PACRG: variants seen among roughly 807,000 people sequenced by gnomAD.
PACRG encodes parkin coregulated.
PACRG carries 29 observed loss-of-function variants against 29.7 expected under a neutral mutation model. The observed-to-expected ratio is 0.98, with a 90% confidence interval of 0.73 to 1.33. The LOEUF is 1.33. Among genes scored for constraint, PACRG ranks in the 40% most tolerant of loss-of-function variants. PACRG has a pLI of 0.00. For synonymous variants in PACRG, 116 were observed against 118.7 expected (o/e 0.98, Z 0.15); for missense variants, 279 against 316.2 (o/e 0.88, Z 0.89).
At chr6:163,257,928 A>T (rs768167546) in intron 4 of PACRG, among the ~76,000 whole-genome samples, 2 of 152,182 alleles carry the variant, frequency 1.3e-5, no homozygotes, top group Non-Finnish European at 2.9e-5. Context: ...TACTTTATTG[A>T]ATCATTTTAT....
chr6:162,815,516 G>A (rs1023038994), intron 2 of PACRG, among the ~76,000 whole-genome samples: 1 of 150,434 alleles, frequency 6.6e-6, no homozygotes, highest in Admixed American at 6.7e-5. Context: ...TATTACAAGA[G>A]GAACTTGGTA....
intron 1 of PACRG, among the ~76,000 whole-genome samples, chr6:162,766,096 A>T (rs1352630796): frequency 6.6e-6 from 1 of 152,182 alleles, no homozygotes; most frequent in African/African-American, 2.4e-5. Context: ...TTCTCTCTTT[A>T]GCTATTTAAA....
intron 2 of PACRG, among the ~76,000 whole-genome samples, chr6:162,816,057 G>A (rs193079002): frequency 6.6e-6 from 1 of 152,178 alleles, no homozygotes; most frequent in East Asian, 1.9e-4. Context: ...ATAAAAATAT[G>A]AGATGAATCA....
intron 2 of PACRG, among the ~76,000 whole-genome samples, chr6:162,988,747 G>A (rs938364861): frequency 1.3e-5 from 2 of 152,016 alleles, no homozygotes; most frequent in African/African-American, 2.4e-5. Context: ...TATAAACTAT[G>A]GTGCAATCTC....
At chr6:163,067,452 AAC>A (rs1395041482) in intron 3 of PACRG, among the ~76,000 whole-genome samples, 3 of 152,214 alleles carry the variant, frequency 2.0e-5, no homozygotes, top group Non-Finnish European at 2.9e-5. Context: ...TGATTAGAGA[AAC>A]ACAACTTTAA....
intron 4 of PACRG, chr6:163,166,301 C>T (rs1270725738): frequency 9.3e-6 from 4 of 430,872 alleles, no homozygotes; most frequent in African/African-American, 2.0e-5. Context: ...AGATTAGAAT[C>T]GGCCCTTTAT....
chr6:163,249,987 G>A (rs1782840004), intron 4 of PACRG, among the ~76,000 whole-genome samples: 5 of 152,184 alleles, frequency 3.3e-5, no homozygotes, highest in Admixed American at 3.3e-4. Flanking sequence ...CCACCGCAGG[G>A]AATGTCCATG....
intron 4 of PACRG, among the ~76,000 whole-genome samples, chr6:163,299,406 G>A (rs1784903542): frequency 6.6e-6 from 1 of 152,144 alleles, no homozygotes; most frequent in Non-Finnish European, 1.5e-5. Context: ...GGAACCATCA[G>A]CCTGACCTGC....
At chr6:163,260,320 C>T (rs917781358) in intron 4 of PACRG, among the ~76,000 whole-genome samples, 1 of 152,204 alleles carries the variant, frequency 6.6e-6, no homozygotes, top group Non-Finnish European at 1.5e-5. Context: ...TCAGCTCCCA[C>T]GTTGGTCCAA....
chr6:163,226,755 G>C (rs936457577), intron 4 of PACRG, among the ~76,000 whole-genome samples: 1 of 152,216 alleles, frequency 6.6e-6, no homozygotes, highest in African/African-American at 2.4e-5. Context: ...GGGAGAACCT[G>C]TTCTCTAGGA....
chr6:162,971,879 A>G (rs1353421512), intron 2 of PACRG, among the ~76,000 whole-genome samples: 1 of 152,050 alleles, frequency 6.6e-6, no homozygotes, highest in African/African-American at 2.4e-5. Context: ...TATAAAGAGG[A>G]CTCAGCGTCT....
chr6:163,107,950 A>G (rs560838505), intron 4 of PACRG, among the ~76,000 whole-genome samples: 130 of 152,292 alleles, frequency 8.5e-4, no homozygotes, highest in Middle Eastern at 3.4e-3. Context: ...TATAGCCTAG[A>G]TATATAGGAA....
chr6:162,728,141 T>G lies in PACRG; in HGVS notation c.-95T>G. On this transcript the variant is annotated 5_prime_UTR_variant, in exon 1 of 5. Coordinates refer to ENST00000366888, the MANE Select transcript of PACRG (RefSeq NM_001080379.2). ...GTTGAATTTCTACCATTATCGCGCC[T>G]TTTGATATTTTTTTCCAGACCTCCT... is the stretch of plus-strand genomic sequence containing the variant. The G allele has an allele frequency of 7.0e-7, 1 of 1,432,620 alleles. No homozygotes were observed. Among genetic ancestry groups the G allele is most frequent in the Non-Finnish European group, 9.5e-7 (1 of 1,054,918 alleles). 88.7% of individuals were successfully genotyped at this position (1,432,620 alleles called of 1,614,324 possible). A position where few individuals can be genotyped will look rare whatever the true frequency, so the allele number is the denominator to read the frequency against.
chr6:162,884,990 A>T (rs1794210411), intron 2 of PACRG, among the ~76,000 whole-genome samples: 1 of 151,794 alleles, frequency 6.6e-6, no homozygotes, highest in Non-Finnish European at 1.5e-5. Flanking sequence ...CTCAATATAC[A>T]TTTTTTCAGC....
chr6:162,798,480 A>G (rs1347184031), intron 1 of PACRG, among the ~76,000 whole-genome samples: 1 of 152,086 alleles, frequency 6.6e-6, no homozygotes, highest in East Asian at 1.9e-4. Context: ...GCCTTATGTT[A>G]GCTGCTTTTG....
chr6:162,875,073 TCACA>T (rs1374135749), intron 2 of PACRG, among the ~76,000 whole-genome samples: 1 of 151,948 alleles, frequency 6.6e-6, no homozygotes, highest in Non-Finnish European at 1.5e-5. Context: ...ATTCACACCC[TCACA>T]CATTCATTCA....
At chr6:162,923,508 A>C (rs1306399298) in intron 2 of PACRG, among the ~76,000 whole-genome samples, 1 of 152,148 alleles carries the variant, frequency 6.6e-6, no homozygotes, top group Non-Finnish European at 1.5e-5. Flanking sequence ...TTAAGTCTTT[A>C]ATCCACTTTG....
intron 2 of PACRG, among the ~76,000 whole-genome samples, chr6:163,027,463 C>T (rs1414184278): frequency 6.6e-6 from 1 of 152,180 alleles, no homozygotes; most frequent in Non-Finnish European, 1.5e-5. Context: ...AACTGAATTT[C>T]TAGAATTCAT....
chr6:163,097,429 T>C (rs1448723268), intron 4 of PACRG, among the ~76,000 whole-genome samples: 1 of 152,184 alleles, frequency 6.6e-6, no homozygotes, highest in African/African-American at 2.4e-5. Context: ...ATCCCATTCA[T>C]TGCTTCTGAA....
Sources: allele counts gnomAD v4.1 joint callset (sites outside exome capture counted in the v4.1 genomes callset), GRCh38; gene constraint gnomAD v4.1.1; transcripts MANE v1.5; gene names NCBI Gene and HGNC (gene_info 2026-07-23, HGNC 2026-07-21).